EYS: variants seen among roughly 807,000 people sequenced by gnomAD.
EYS encodes EGF-like photoreceptor maintenance factor, also known as protein eyes shut homolog.
Under a neutral mutation model 282.1 loss-of-function variants are expected in EYS, and 250 were observed. That is an observed-to-expected ratio of 0.89 (90% CI 0.80 to 0.98). The LOEUF (loss-of-function observed/expected upper bound fraction) is 0.98. Ranked by LOEUF, EYS falls within the 50% of genes least tolerant of loss-of-function variation. The pLI is 0.00. For synonymous variants in EYS, 1,355 were observed against 1,282.9 expected (o/e 1.06, Z -1.20); for missense variants, 4,016 against 3,709.0 (o/e 1.08, Z -2.15).
chr6:64,659,209 C>T (rs1768891181), intron 22 of EYS, among the ~76,000 whole-genome samples: 1 of 152,152 alleles, frequency 6.6e-6, no homozygotes, highest in South Asian at 2.1e-4. Flanking sequence ...CACAACATTC[C>T]AGAATCTCTG....
In EYS at chr6:65,660,624, C is replaced by T. The variant is rs527777955; in HGVS notation, c.-447-20732G>A. The stretch of plus-strand genomic sequence containing the variant: ...CTATGGTAAGGGAAATATATGTATA[C>T]TCACACAAACACACTCACACGCAAT... On this transcript the variant is annotated intron_variant, in intron 1 of 42. Coordinates refer to ENST00000503581, the MANE Select transcript of EYS (RefSeq NM_001142800.2). Among the ~76,000 whole-genome samples the T allele has an allele frequency of 3.3e-5, 5 of 151,850 alleles. No individual in the cohort carries two copies. The East Asian group carries it at 9.7e-4, about 29-fold the overall frequency.
chr6:64,889,599 T>G (rs1275644896), intron 18 of EYS, among the ~76,000 whole-genome samples: 2 of 152,000 alleles, frequency 1.3e-5, no homozygotes, highest in Non-Finnish European at 2.9e-5. Context: ...TTCCCCAAAT[T>G]AATACTTTTA....
intron 12 of EYS, among the ~76,000 whole-genome samples, chr6:65,274,533 C>T (rs556358893): frequency 6.6e-6 from 1 of 152,256 alleles, no homozygotes; most frequent in African/African-American, 2.4e-5. Flanking sequence ...TCATAAGGAC[C>T]ACCAGAAGTA....
chr6:64,152,493 T>C (rs921517883), intron 31 of EYS, among the ~76,000 whole-genome samples: 4 of 152,312 alleles, frequency 2.6e-5, no homozygotes, highest in East Asian at 3.9e-4. Flanking sequence ...GCTGCTTCTA[T>C]AATTTTCTAT....
At chr6:65,210,039 T>C (rs1196761306) in intron 12 of EYS, among the ~76,000 whole-genome samples, 1 of 151,876 alleles carries the variant, frequency 6.6e-6, no homozygotes, top group Non-Finnish European at 1.5e-5. Flanking sequence ...GAGACTGTAG[T>C]TGAGAGTTGA....
At position 64,263,503 on chromosome 6, in the gene EYS, C is replaced by T. The variant is rs138197956; in HGVS notation, c.6192-32679G>A. ...AATTTGATTTAATATGGAATTTTCC[C>T]GCGGATCTACAGTAAACTACATTTT... On this transcript the variant is annotated intron_variant, in intron 30 of 42. Coordinates refer to ENST00000503581, the MANE Select transcript of EYS (RefSeq NM_001142800.2). 5.9e-3 allele frequency among the ~76,000 whole-genome samples: 894 copies of T among 152,082 alleles called. 8 individuals carry two copies. Among genetic ancestry groups the T allele is most frequent in the African/African-American group, 0.021 (854 of 41,536 alleles).
intron 33 of EYS, among the ~76,000 whole-genome samples, chr6:64,028,968 C>T (rs1431693976): frequency 1.3e-5 from 2 of 152,170 alleles, no homozygotes; most frequent in Non-Finnish European, 1.5e-5. Flanking sequence ...TTATCCTCAC[C>T]CTAAGACATT....
chr6:64,380,844 G>A (rs1324980369), intron 29 of EYS, among the ~76,000 whole-genome samples: 3 of 151,962 alleles, frequency 2.0e-5, no homozygotes, highest in South Asian at 2.1e-4. Context: ...GGCGAAACCC[G>A]TCTCTACTAA....
chr6:65,626,985 T>G (rs1766720889), intron 2 of EYS, among the ~76,000 whole-genome samples: 1 of 150,542 alleles, frequency 6.6e-6, no homozygotes, highest in South Asian at 2.1e-4. Flanking sequence ...TCTTTCCTTC[T>G]TTCAGCCTGC....
At chr6:64,369,981 A>T (rs892077286) in intron 29 of EYS, among the ~76,000 whole-genome samples, 1 of 151,966 alleles carries the variant, frequency 6.6e-6, no homozygotes, top group Non-Finnish European at 1.5e-5. Flanking sequence ...GCAAACAGGG[A>T]TAGTTTGACT....
intron 12 of EYS, among the ~76,000 whole-genome samples, chr6:65,205,478 T>G (rs1159853341): frequency 1.3e-5 from 2 of 151,874 alleles, no homozygotes; most frequent in Non-Finnish European, 2.9e-5. Flanking sequence ...AACACCTCAC[T>G]GACAACACTA....
chr6:64,329,122 T>C (rs766319606), intron 29 of EYS, among the ~76,000 whole-genome samples: 2 of 152,016 alleles, frequency 1.3e-5, no homozygotes, highest in African/African-American at 2.4e-5. Flanking sequence ...ATGGTCTCAA[T>C]GGAGGTAGGA....
At chr6:64,491,823 T>G (rs935704897) in intron 26 of EYS, among the ~76,000 whole-genome samples, 1 of 74,024 alleles carries the variant, frequency 1.4e-5, no homozygotes, top group African/African-American at 4.2e-5. Context: ...AAGTAAATTA[T>G]TCTTCTCTCT....
rs1483867913 is a variant in EYS, at chr6:64,150,812, A to T, written c.6425-68810T>A. 2.6e-5 allele frequency among the ~76,000 whole-genome samples: 4 copies of T among 152,156 alleles called. No individual in the cohort carries two copies. The East Asian group carries it at 7.7e-4, about 29-fold the overall frequency. On this transcript the variant is annotated intron_variant, in intron 31 of 42. Transcript: ENST00000503581. Reference sequence around the variant, plus strand: ...GGAGTTTGAGACCCTCTCGATGTCAAGAAAATGGAAGTTGAAAGCTAAAAG... The same window carrying T: ...GGAGTTTGAGACCCTCTCGATGTCATGAAAATGGAAGTTGAAAGCTAAAAG...
chr6:65,321,282 C>G (rs1401197886), intron 11 of EYS, among the ~76,000 whole-genome samples: 1 of 151,686 alleles, frequency 6.6e-6, no homozygotes, highest in East Asian at 1.9e-4. Flanking sequence ...ATAAAACAGA[C>G]TGGGAATTTG....
chr6:65,271,690 C>T (rs1172622973), intron 12 of EYS, among the ~76,000 whole-genome samples: 1 of 151,994 alleles, frequency 6.6e-6, no homozygotes, highest in African/African-American at 2.4e-5. Flanking sequence ...TCAAGAAATT[C>T]TCCTGCCTCA....
At chr6:65,343,428 T>C (rs998570928) in intron 10 of EYS, among the ~76,000 whole-genome samples, 1 of 151,274 alleles carries the variant, frequency 6.6e-6, no homozygotes, top group African/African-American at 2.4e-5. Flanking sequence ...TTCCTATTCC[T>C]AAGTTGTTTA....
chr6:64,324,041 C>A (rs1437528335), intron 29 of EYS, among the ~76,000 whole-genome samples: 4 of 152,118 alleles, frequency 2.6e-5, no homozygotes, highest in African/African-American at 9.7e-5. Flanking sequence ...ACCCATCACC[C>A]TAACTTTTGA....
At chr6:64,155,401 C>A (rs926362386) in intron 31 of EYS, among the ~76,000 whole-genome samples, 2 of 150,344 alleles carry the variant, frequency 1.3e-5, no homozygotes, top group Non-Finnish European at 2.9e-5. Context: ...AGTGAACAGT[C>A]CTCTGCAGCC....
Sources: gnomAD v4.1 joint callset for allele counts (sites outside exome capture counted in the v4.1 genomes callset) on GRCh38, gnomAD v4.1.1 for gene constraint, MANE v1.5 for transcripts, NCBI Gene and HGNC (gene_info 2026-07-23, HGNC 2026-07-21) for gene names.